SI: variants seen among roughly 807,000 people sequenced by gnomAD.
SI encodes sucrase-isomaltase.
In SI, 235 loss-of-function variants were observed where a neutral mutation model predicts 253.3. The ratio of observed to expected loss-of-function variants is 0.93; its 90% CI spans 0.83 to 1.03. The LOEUF is 1.03. Ranked by LOEUF, SI falls within the 50% of genes least tolerant of loss-of-function variation. SI has a pLI of 0.00. For missense variants in SI, 2,442 were observed against 2,211.1 expected (o/e 1.10, Z -2.09); for synonymous variants, 819 against 712.0 (o/e 1.15, Z -2.39).
At chr3:165,017,020 C>A (rs2108173935) in intron 31 of SI, among the ~76,000 whole-genome samples, 1 of 151,806 alleles carries the variant, frequency 6.6e-6, no homozygotes, top group Non-Finnish European at 1.5e-5. Context: ...CCTAGGATTC[C>A]TTAATTTTGA....
chr3:165,045,371 G>A (rs1713048804), intron 16 of SI, among the ~76,000 whole-genome samples: 2 of 151,904 alleles, frequency 1.3e-5, no homozygotes, highest in African/African-American at 2.4e-5. Context: ...CCTACATTTA[G>A]TTTTAATATT....
chr3:164,993,132 T>G (rs770739456), intron 41 of SI, among the ~76,000 whole-genome samples: 1 of 151,802 alleles, frequency 6.6e-6, no homozygotes, highest in Non-Finnish European at 1.5e-5. Flanking sequence ...CTCATGAAAG[T>G]AGAAACCGAG....
At chr3:165,064,429 C>T (rs947263870) in intron 7 of SI, among the ~76,000 whole-genome samples, 6 of 152,078 alleles carry the variant, frequency 3.9e-5, no homozygotes, top group African/African-American at 9.7e-5. Context: ...ATTAATAATT[C>T]TGTACCAAAT....
rs774160456 is a variant in SI at position 164,983,037 on chromosome 3, C to T, written c.5212G>A (p.Asp1738Asn). 1 of 1,545,744 alleles carries T rather than the reference C, an allele frequency of 6.5e-7. No individual in the cohort carries two copies. The highest frequency in any genetic ancestry group is 1.4e-5 in the African/African-American group (1 of 73,716). ...TTAAATTGTACAGATAAATATAGGT[C>T]TCTTTCATAGGTGTCTGTAGAGAGA... ...DGESIDTYER[D>N]LYLSVQFNLN... is the part of the protein sequence containing the mutation. Residue 1738 changes from aspartate (D) to asparagine (N), a missense_variant, in exon 46 of 48, where the codon GAC becomes AAC. Coordinates refer to ENST00000264382, the MANE Select transcript of SI (RefSeq NM_001041.4).
Position 165,068,322 on chromosome 3 carries a change from C to A in SI, c.483+400G>T, listed in dbSNP as rs372155967. 2.6e-5 allele frequency among the ~76,000 whole-genome samples: 4 copies of A among 152,214 alleles called. No individual in the cohort carries two copies. In the East Asian group the frequency reaches 5.8e-4, roughly 22 times the overall value. On this transcript the variant is annotated intron_variant, in intron 5 of 47. Coordinates refer to ENST00000264382, the MANE Select transcript of SI (RefSeq NM_001041.4). Reference sequence around the variant, plus strand: ...AAGTGCAGAGCACACTATTATTATTCGTATGTTATATTTGCATAAACAATT... The same window carrying A: ...AAGTGCAGAGCACACTATTATTATTAGTATGTTATATTTGCATAAACAATT...
At position 165,015,938 on chromosome 3, in the gene SI, C is replaced by A. The variant is rs1300802649; in HGVS notation, c.3888+14G>T. 6.2e-7 allele frequency: 1 copy of A among 1,604,040 alleles called. No homozygotes were observed. The highest frequency in any genetic ancestry group is 1.1e-5 in the South Asian group (1 of 90,930). On this transcript the variant is annotated intron_variant, in intron 32 of 47. Transcript: ENST00000264382. ...AAACAAGAAATAAGACTCAGGTAAA[C>A]TCCAAGTACTGACCAGGATAATAAT...
intron 13 of SI, among the ~76,000 whole-genome samples, chr3:165,054,910 G>A (rs766978102): frequency 1.3e-5 from 2 of 152,066 alleles, no homozygotes; most frequent in South Asian, 4.1e-4. Flanking sequence ...TTCAGGTAAA[G>A]TATTAGTCAT....
chr3:165,026,722 A>G (rs1047034991), intron 25 of SI, among the ~76,000 whole-genome samples: 2 of 151,454 alleles, frequency 1.3e-5, no homozygotes, highest in Admixed American at 1.3e-4. Flanking sequence ...CTGAATGATC[A>G]TTGGGTCAAA....
chr3:164,998,574 A>C lies in SI; in HGVS notation c.4506T>G (p.Tyr1502Ter). ...RWGGHWLGDN[Y>*]ARWDNMDKSI... Reference sequence around the variant, plus strand: ...ATTTGTCCATGTTGTCCCATCGTGCATAGTTGTCTCCAAGCCAGTGTCCTC... The same window carrying C: ...ATTTGTCCATGTTGTCCCATCGTGCCTAGTTGTCTCCAAGCCAGTGTCCTC... The change falls in exon 38 of 48, where the codon TAT (tyrosine) becomes TAG (stop). Residue 1502 changes from tyrosine to a stop codon, truncating the protein, a stop_gained. Coordinates refer to ENST00000264382, the MANE Select transcript of SI (RefSeq NM_001041.4). LOFTEE classifies it high-confidence loss of function. 6.2e-7 allele frequency: 1 copy of C among 1,612,294 alleles called. No individual in the cohort carries two copies. Among genetic ancestry groups the C allele is most frequent in the South Asian group, 1.1e-5 (1 of 91,064 alleles).
chr3:165,014,514 G>C (rs1209810756), intron 33 of SI, among the ~76,000 whole-genome samples: 1 of 152,156 alleles, frequency 6.6e-6, no homozygotes, highest in Non-Finnish European at 1.5e-5. Context: ...CTCCCAAAGA[G>C]CTGGGATTAC....
upstream of SI, among the ~76,000 whole-genome samples, chr3:165,083,087 T>G (rs183513034): frequency 2.1e-4 from 32 of 152,038 alleles, no homozygotes; most frequent in East Asian, 6.2e-3. Flanking sequence ...CAAAAGTCAA[T>G]TTTTGCAGCT....
intron 47 of SI, among the ~76,000 whole-genome samples, chr3:164,981,080 A>C (rs947835366): frequency 9.2e-5 from 14 of 152,080 alleles, no homozygotes; most frequent in African/African-American, 2.9e-4. Context: ...AATTTTATAA[A>C]TCAGTCAAAT....
At chr3:165,030,911 A>C (rs751003022) in intron 24 of SI, 44 bp from the exon 25 acceptor site, 39 of 1,499,736 alleles carry the variant, frequency 2.6e-5, no homozygotes, top group Non-Finnish European at 3.3e-5. Flanking sequence ...AAAAAAAAAC[A>C]CAAACAAACA....
intron 34 of SI, among the ~76,000 whole-genome samples, chr3:165,012,140 A>G (rs1054300526): frequency 6.6e-6 from 1 of 152,182 alleles, no homozygotes; most frequent in Non-Finnish European, 1.5e-5. Flanking sequence ...TAAACCAGTA[A>G]CAGAAAGACA....
chr3:165,065,406 A>G lies in SI; in HGVS notation c.662T>C (p.Val221Ala). 4 of 1,563,152 alleles carry G rather than the reference A, an allele frequency of 2.6e-6. No individual in the cohort carries two copies. The highest frequency in any genetic ancestry group is 3.5e-6 in the Non-Finnish European group (4 of 1,144,814). The change falls in exon 7 of 48, where the codon GTG (valine) becomes GCG (alanine). Residue 221 changes from valine to alanine, a missense_variant. By Grantham distance (64) the Val-to-Ala change is moderately conservative. Transcript: ENST00000264382. ...GATCTGTAAGTACTGGTCAGAGTAC[A>G]CTAAGGGACCAATGCTGGTGTCAAA... ...TLFDTSIGPLVYSDQYLQIST... is the reference protein window; with the variant it reads ...TLFDTSIGPLAYSDQYLQIST...
chr3:165,062,204 T>A (rs760790324), intron 9 of SI, among the ~76,000 whole-genome samples, 167 bp downstream of exon 9: 2 of 151,322 alleles, frequency 1.3e-5, no homozygotes, highest in South Asian at 2.1e-4. Flanking sequence ...GTTCATTGTA[T>A]AGGGGAAAAA....
chr3:165,035,527 A>T (rs1209244467), intron 22 of SI, among the ~76,000 whole-genome samples: 1 of 151,570 alleles, frequency 6.6e-6, no homozygotes. Context: ...CATTTTCAAA[A>T]ATAAATAAAT....
At chr3:165,011,249 C>T (rs771085667) in intron 34 of SI, among the ~76,000 whole-genome samples, 2 of 151,906 alleles carry the variant, frequency 1.3e-5, no homozygotes, top group Non-Finnish European at 2.9e-5. Flanking sequence ...TCTTGTTATA[C>T]ACTTCTCTCT....
At chr3:165,009,166 G>A (rs976045112) in intron 35 of SI, 113 bp downstream of exon 35, 2 of 744,758 alleles carry the variant, frequency 2.7e-6, no homozygotes, top group African/African-American at 3.5e-5. Flanking sequence ...GGAAAAAAGT[G>A]GACTAGTTTT....
Sources: gnomAD v4.1 joint callset for allele counts (sites outside exome capture counted in the v4.1 genomes callset) on GRCh38, gnomAD v4.1.1 for gene constraint, MANE v1.5 for transcripts, NCBI Gene and HGNC (gene_info 2026-07-23, HGNC 2026-07-21) for gene names.